The following ROR1 variants were observed in gnomAD, a reference collection of about 807,000 sequenced individuals.
ROR1 encodes the protein ROR family WNT receptor 1.
In ROR1, 19 loss-of-function variants were observed where a neutral mutation model predicts 78.8. That is an observed-to-expected ratio of 0.24 (90% CI 0.17 to 0.35). The LOEUF (loss-of-function observed/expected upper bound fraction) is 0.35. ROR1 is among the 10% of genes least tolerant of loss of function. The pLI is 1.00. For synonymous variants in ROR1, 386 were observed against 433.6 expected (o/e 0.89, Z 1.36); for missense variants, 917 against 1,177.8 (o/e 0.78, Z 3.24).
chr1:63,809,928 C>A (rs1348429892), intron 1 of ROR1, among the ~76,000 whole-genome samples: 1 of 152,168 alleles, frequency 6.6e-6, no homozygotes, highest in Non-Finnish European at 1.5e-5. Context: ...TTCTGTGGAA[C>A]TCATTTTACC....
At chr1:63,992,736 A>G (rs756171033) in intron 1 of ROR1, among the ~76,000 whole-genome samples, 1 of 152,168 alleles carries the variant, frequency 6.6e-6, no homozygotes, top group Admixed American at 6.5e-5. Flanking sequence ...GAAGATAATA[A>G]CACATCAGCA....
rs1357134704 is a variant in ROR1 at position 63,774,143 on chromosome 1, C to T, written c.-275C>T. Reference sequence around the variant, plus strand: ...TCGGAGTCCGACCCAGGGCGACTCACGCCCACTGGTGCGACCCGGACAGCC... The same window carrying T: ...TCGGAGTCCGACCCAGGGCGACTCATGCCCACTGGTGCGACCCGGACAGCC... On this transcript the variant is annotated 5_prime_UTR_variant, in exon 1 of 9. It adds an upstream start codon to the 5' untranslated region. Transcript: ENST00000371079. The surrounding 1 kb of genome is among the most constrained non-coding windows in gnomAD (Gnocchi z 5.7). 3.0e-5 allele frequency: 6 copies of T among 199,246 alleles called. No homozygotes were observed. In the East Asian group the frequency reaches 7.3e-4, roughly 24 times the overall value. 12.3% of individuals were successfully genotyped at this position (199,246 alleles called of 1,614,324 possible). A position where few individuals can be genotyped will look rare whatever the true frequency, so the allele number is the denominator to read the frequency against.
At chr1:63,789,401 A>T (rs1168939043) in intron 1 of ROR1, 3 of 342,540 alleles carry the variant, frequency 8.8e-6, no homozygotes, top group Non-Finnish European at 1.7e-5. Flanking sequence ...GAATGGGGAC[A>T]CCTGAGCACT....
intron 1 of ROR1, among the ~76,000 whole-genome samples, chr1:63,845,419 G>C (rs645712): frequency 6.6e-6 from 1 of 151,470 alleles, no homozygotes; most frequent in Non-Finnish European, 1.5e-5. Flanking sequence ...AGTAGTAGTG[G>C]TAACTACTAT....
At chr1:63,776,580 A>G (rs1490841557) in intron 1 of ROR1, among the ~76,000 whole-genome samples, 1 of 152,192 alleles carries the variant, frequency 6.6e-6, no homozygotes, top group Non-Finnish European at 1.5e-5. Flanking sequence ...TATAGATAAC[A>G]TAACCAGTTA....
chr1:63,910,307 C>A (rs751030511), intron 1 of ROR1, among the ~76,000 whole-genome samples: 1 of 152,188 alleles, frequency 6.6e-6, no homozygotes, highest in African/African-American at 2.4e-5. Context: ...GGACAAATTA[C>A]TGACCAAGAC....
chr1:63,801,541 C>T (rs753926890), intron 1 of ROR1, among the ~76,000 whole-genome samples: 13 of 152,184 alleles, frequency 8.5e-5, no homozygotes, highest in Admixed American at 3.3e-4. Context: ...GTGATCCGCC[C>T]GCCTCAGCCT....
chr1:64,136,216 A>G (rs1264180164), intron 4 of ROR1, among the ~76,000 whole-genome samples: 1 of 152,152 alleles, frequency 6.6e-6, no homozygotes, highest in African/African-American at 2.4e-5. Flanking sequence ...CAACTTGTAG[A>G]TGAGAAAATT....
intron 1 of ROR1, among the ~76,000 whole-genome samples, chr1:63,860,562 TACACACACACACACACACACAC>T (rs68153450): frequency 1.6e-5 from 2 of 126,548 alleles, no homozygotes; most frequent in Non-Finnish European, 3.3e-5. Context: ...CTACTAAAAA[TACACACACACACACACACACAC>T]ACACACACAC....
rs1644668352 is a variant in ROR1, at chr1:63,783,876, C to T, written c.91+9368C>T. 2.6e-5 allele frequency among the ~76,000 whole-genome samples: 4 copies of T among 152,152 alleles called. No homozygotes were observed. In the South Asian group the frequency reaches 6.2e-4, roughly 24 times the overall value. On this transcript the variant is annotated intron_variant, in intron 1 of 8. Transcript: ENST00000371079. ...GTGGCAGGGTGCTCAGTGTGTTCCA[C>T]GATATCCCCATTTTCCAGATAAGGA...
chr1:63,858,234 T>A (rs1344030095), intron 1 of ROR1, among the ~76,000 whole-genome samples: 1 of 152,244 alleles, frequency 6.6e-6, no homozygotes, highest in Non-Finnish European at 1.5e-5. Context: ...TCTTCTTGAC[T>A]TAAAGTACAA....
intron 2 of ROR1, among the ~76,000 whole-genome samples, chr1:64,025,246 G>A (rs892136970): frequency 1.3e-5 from 2 of 152,148 alleles, no homozygotes; most frequent in Non-Finnish European, 2.9e-5. Flanking sequence ...GAATCTCCAA[G>A]TTGAATGACC....
chr1:63,893,093 C>T (rs1303788760), intron 1 of ROR1, among the ~76,000 whole-genome samples: 1 of 152,182 alleles, frequency 6.6e-6, no homozygotes, highest in Non-Finnish European at 1.5e-5. Context: ...GTGGTGGACA[C>T]AGTCTACCAC....
intron 1 of ROR1, among the ~76,000 whole-genome samples, chr1:63,983,370 T>C (rs1339765980): frequency 2.0e-5 from 3 of 152,148 alleles, no homozygotes; most frequent in Admixed American, 6.5e-5. Context: ...GTCTTGAGAA[T>C]GGGGAGGACT....
At chr1:63,795,038 C>T (rs1378471466) in intron 1 of ROR1, among the ~76,000 whole-genome samples, 2 of 152,080 alleles carry the variant, frequency 1.3e-5, no homozygotes, top group South Asian at 2.1e-4. Context: ...TGCAGAGCCT[C>T]GAATGCCATG....
chr1:63,951,362 C>T (rs892507739), intron 1 of ROR1, among the ~76,000 whole-genome samples: 9 of 152,116 alleles, frequency 5.9e-5, no homozygotes, highest in East Asian at 3.9e-4. Context: ...TAAGAGCTGA[C>T]GTTCTTGTGG....
At chr1:64,085,799 C>T (rs1367036216) in intron 4 of ROR1, among the ~76,000 whole-genome samples, 1 of 151,792 alleles carries the variant, frequency 6.6e-6, no homozygotes, top group African/African-American at 2.4e-5. Flanking sequence ...TGGGGGAGGG[C>T]AATAATAAAA....
chr1:64,178,979 G>T lies in ROR1; in HGVS notation c.*124G>T. 2.2e-6 allele frequency: 1 copy of T among 464,752 alleles called. No homozygotes were observed. The highest frequency in any genetic ancestry group is 3.7e-6 in the Non-Finnish European group (1 of 271,266). The allele number at this position is 464,752 out of a possible 1,614,324, so 28.8% of individuals were successfully genotyped here. A position where few individuals can be genotyped will look rare whatever the true frequency, so the allele number is the denominator to read the frequency against. On this transcript the variant is annotated 3_prime_UTR_variant, in exon 9 of 9. Transcript: ENST00000371079. This position sits in a 1 kb window ranked among gnomAD's most constrained non-coding sequence, Gnocchi z 4.3. ...GCAGACATCGCAACAAGTACCTTCTGTGAAGTTTCACTGTGTCTTACCAAG... is the reference window on the plus strand; with the variant it reads ...GCAGACATCGCAACAAGTACCTTCTTTGAAGTTTCACTGTGTCTTACCAAG...
chr1:64,101,459 G>A (rs1647538335), intron 4 of ROR1, among the ~76,000 whole-genome samples: 1 of 152,138 alleles, frequency 6.6e-6, no homozygotes, highest in Non-Finnish European at 1.5e-5. Context: ...GGTGGGTTGG[G>A]GAGGAGGTAG....
Sources: allele counts gnomAD v4.1 joint callset (sites outside exome capture counted in the v4.1 genomes callset), GRCh38; gene constraint gnomAD v4.1.1; non-coding constraint Gnocchi (gnomAD v3.1); transcripts MANE v1.5; gene names NCBI Gene and HGNC (gene_info 2026-07-23, HGNC 2026-07-21).